The following SRPK2 variants were observed in gnomAD, a reference collection of about 807,000 sequenced individuals.
The protein encoded by SRPK2 is SRSF protein kinase 2, also known as SFRS protein kinase 2.
SRPK2 carries 21 observed loss-of-function variants against 90.8 expected under a neutral mutation model. That is an observed-to-expected ratio of 0.23 (90% CI 0.16 to 0.33). SRPK2 has a LOEUF of 0.33. Among genes scored for constraint, SRPK2 ranks in the 10% least tolerant of loss-of-function variants. The pLI is 1.00. For synonymous variants in SRPK2, 288 were observed against 311.1 expected (o/e 0.93, Z 0.78); for missense variants, 620 against 869.0 (o/e 0.71, Z 3.60).
At chr7:105,203,391 T>G (rs556102979) in intron 3 of SRPK2, among the ~76,000 whole-genome samples, 1 of 152,358 alleles carries the variant, frequency 6.6e-6, no homozygotes, top group African/African-American at 2.4e-5. Flanking sequence ...CTAGAATATG[T>G]ATGTACAAAT....
intron 11 of SRPK2, among the ~76,000 whole-genome samples, chr7:105,141,668 T>C (rs1482269118): frequency 6.6e-6 from 1 of 152,154 alleles, no homozygotes; most frequent in Non-Finnish European, 1.5e-5. Context: ...TATAATGACA[T>C]TAGATGGAAG....
intron 2 of SRPK2, among the ~76,000 whole-genome samples, chr7:105,234,492 G>A (rs953868214): frequency 6.6e-6 from 1 of 152,044 alleles, no homozygotes; most frequent in Non-Finnish European, 1.5e-5. Context: ...CTATACTGAT[G>A]CTTACTATGT....
intron 7 of SRPK2, among the ~76,000 whole-genome samples, chr7:105,159,353 C>A (rs151134412): frequency 2.0e-5 from 3 of 148,500 alleles, no homozygotes; most frequent in African/African-American, 7.4e-5. Context: ...GGGTGTGGTA[C>A]CAAGCACCTA....
At chr7:105,165,732 T>G (rs1347577082) in intron 6 of SRPK2, among the ~76,000 whole-genome samples, 2 of 152,034 alleles carry the variant, frequency 1.3e-5, no homozygotes, top group African/African-American at 4.8e-5. Flanking sequence ...CACGGACAAA[T>G]GAGGGAATAA....
chr7:105,152,940 A>G (rs980654167), intron 7 of SRPK2, among the ~76,000 whole-genome samples: 1 of 152,188 alleles, frequency 6.6e-6, no homozygotes, highest in African/African-American at 2.4e-5. Flanking sequence ...AGTCTGAGGC[A>G]CAAGAATTGC....
At chr7:105,277,200 CCGAGTAGCTGGGACTA>C (rs1806637131) in intron 2 of SRPK2, among the ~76,000 whole-genome samples, 1 of 152,114 alleles carries the variant, frequency 6.6e-6, no homozygotes, top group African/African-American at 2.4e-5. Context: ...TCTCAGCCTC[CCGAGTAGCTGGGACTA>C]CAGGCGCCCA....
upstream of SRPK2, among the ~76,000 whole-genome samples, chr7:105,389,721 C>T (rs969546184): frequency 2.6e-5 from 4 of 152,226 alleles, no homozygotes; most frequent in Non-Finnish European, 5.9e-5. Flanking sequence ...GCCTGGCCGT[C>T]GACAAACCAC....
intron 2 of SRPK2, among the ~76,000 whole-genome samples, chr7:105,375,075 T>C (rs1820132516): frequency 6.6e-6 from 1 of 152,170 alleles, no homozygotes; most frequent in African/African-American, 2.4e-5. Flanking sequence ...TGCTGGCTGG[T>C]GAGAATATGA....
intron 6 of SRPK2, among the ~76,000 whole-genome samples, chr7:105,165,563 G>A (rs1002362942): frequency 6.6e-6 from 1 of 151,974 alleles, no homozygotes; most frequent in African/African-American, 2.4e-5. Context: ...CTGTAAAAAC[G>A]CACTGACCAG....
intron 15 of SRPK2, among the ~76,000 whole-genome samples, chr7:105,124,732 CCATG>C (rs1418103138): frequency 6.6e-6 from 1 of 150,688 alleles, no homozygotes; most frequent in East Asian, 1.9e-4. Context: ...TTCTAAAAGT[CCATG>C]TCCTACTCAC....
At chr7:105,205,513 T>A (rs1037192770) in intron 2 of SRPK2, among the ~76,000 whole-genome samples, 1 of 61,174 alleles carries the variant, frequency 1.6e-5, no homozygotes, top group African/African-American at 8.0e-5. Context: ...TCTCTCTCTC[T>A]CTCTCACACA....
At chr7:105,234,609 A>C (rs565376531) in intron 2 of SRPK2, among the ~76,000 whole-genome samples, 1 of 152,318 alleles carries the variant, frequency 6.6e-6, no homozygotes, top group South Asian at 2.1e-4. Flanking sequence ...CTAAATAGTA[A>C]CTAAACCATC....
At chr7:105,286,511 C>T (rs1170017374) in intron 2 of SRPK2, among the ~76,000 whole-genome samples, 2 of 152,132 alleles carry the variant, frequency 1.3e-5, no homozygotes, top group African/African-American at 4.8e-5. Context: ...TTTGGGCATT[C>T]TAAGACAGTC....
At position 105,311,019 on chromosome 7, in the gene SRPK2, G is replaced by A. The variant is rs1362554668; in HGVS notation, c.71+77629C>T. 3.9e-5 allele frequency among the ~76,000 whole-genome samples: 6 copies of A among 151,948 alleles called. No homozygotes were observed. The East Asian group carries it at 5.8e-4, about 15-fold the overall frequency. ...GCTCGGTTGTGCACATAGTACAACC[G>A]TCCTTAACCGCTTAGTTGACTAAAA... On this transcript the variant is annotated intron_variant, in intron 2 of 15. Coordinates refer to ENST00000393651, the MANE Select transcript of SRPK2 (RefSeq NM_182692.3).
At chr7:105,160,252 T>TA (rs573211662) in intron 7 of SRPK2, 19,551 of 237,658 alleles carry the variant, frequency 0.082, 6 homozygotes, top group Middle Eastern at 0.12. Flanking sequence ...TCACATACCT[T>TA]AAAAAAAAAA....
At chr7:105,120,225 G>GA (rs1198928683) in intron 15 of SRPK2, among the ~76,000 whole-genome samples, 1 of 152,134 alleles carries the variant, frequency 6.6e-6, no homozygotes, top group Non-Finnish European at 1.5e-5. Flanking sequence ...TTCTATCTCA[G>GA]AAAAAATACT....
intron 2 of SRPK2, among the ~76,000 whole-genome samples, chr7:105,234,245 G>A (rs1169985507): frequency 6.6e-6 from 1 of 151,998 alleles, no homozygotes; most frequent in African/African-American, 2.4e-5. Flanking sequence ...TGCGGTTGTG[G>A]GTGTTTTTTG....
At chr7:105,373,355 C>T (rs902329494) in intron 2 of SRPK2, among the ~76,000 whole-genome samples, 10 of 149,052 alleles carry the variant, frequency 6.7e-5, no homozygotes. Context: ...TATCCTTTAA[C>T]TTTCCTTCCT....
chr7:105,213,464 T>G (rs147677631), intron 2 of SRPK2, among the ~76,000 whole-genome samples: 9 of 152,106 alleles, frequency 5.9e-5, no homozygotes, highest in Admixed American at 2.0e-4. Context: ...GGGGAGAAAC[T>G]GGGGAATAAA....
Sources: gnomAD v4.1 joint callset for allele counts (sites outside exome capture counted in the v4.1 genomes callset) on GRCh38, gnomAD v4.1.1 for gene constraint, MANE v1.5 for transcripts, NCBI Gene and HGNC (gene_info 2026-07-23, HGNC 2026-07-21) for gene names.